The following C1QTNF7 variants were observed in gnomAD, a reference collection of about 807,000 sequenced individuals.
C1QTNF7 encodes complement C1q tumor necrosis factor-related protein 7.
In C1QTNF7, 15 loss-of-function variants were observed where a neutral mutation model predicts 19.6. The ratio of observed to expected loss-of-function variants is 0.76; its 90% CI spans 0.51 to 1.18. The LOEUF (loss-of-function observed/expected upper bound fraction) is 1.18. Ranked by LOEUF, C1QTNF7 falls within the 50% of genes most tolerant of loss-of-function variation. The pLI is 0.00. For missense variants in C1QTNF7, 324 were observed against 359.7 expected (o/e 0.90, Z 0.80); for synonymous variants, 142 against 137.5 (o/e 1.03, Z -0.23).
chr4:15,354,961 T>C (rs1278838936), intron 1 of C1QTNF7, among the ~76,000 whole-genome samples: 1 of 152,106 alleles, frequency 6.6e-6, no homozygotes, highest in Non-Finnish European at 1.5e-5. Flanking sequence ...GATTCTTGCA[T>C]TGGGAATATC....
chr4:15,390,116 A>G (rs1161031785), intron 1 of C1QTNF7, among the ~76,000 whole-genome samples: 1 of 152,176 alleles, frequency 6.6e-6, no homozygotes, highest in Non-Finnish European at 1.5e-5. Flanking sequence ...AGTAGGAAAT[A>G]TATATTAAGA....
At chr4:15,438,915 A>G (rs78982486) in intron 2 of C1QTNF7, among the ~76,000 whole-genome samples, 12,557 of 152,244 alleles carry the variant, frequency 0.082, 1,705 homozygotes, top group African/African-American at 0.28. Flanking sequence ...GCATGTATGT[A>G]TGCATAGATC....
At position 15,444,483 on chromosome 4, in the gene C1QTNF7, T is replaced by C. The variant is rs1450750455; in HGVS notation, c.*1684T>C. ...GTGCGGCGGCTGGCCAGAGGCACTCTTCACTTCCCAGACAGAGGGGCGGCC... is the reference window on the plus strand; with the variant it reads ...GTGCGGCGGCTGGCCAGAGGCACTCCTCACTTCCCAGACAGAGGGGCGGCC... On this transcript the variant is annotated 3_prime_UTR_variant, in exon 3 of 3. Coordinates refer to ENST00000444304, the MANE Select transcript of C1QTNF7 (RefSeq NM_031911.5). The C allele has an allele frequency of 6.6e-6, 1 of 151,828 alleles. No individual in the cohort carries two copies. The allele number at this position is 151,828 out of a possible 1,614,324, so 9.4% of individuals were successfully genotyped here. A position where few individuals can be genotyped will look rare whatever the true frequency, so the allele number is the denominator to read the frequency against.
At chr4:15,373,589 T>A (rs552504838) in intron 1 of C1QTNF7, among the ~76,000 whole-genome samples, 6 of 152,288 alleles carry the variant, frequency 3.9e-5, no homozygotes, top group African/African-American at 1.4e-4. Context: ...TTTTGGAACG[T>A]TTAAATGACT....
chr4:15,420,900 T>C (rs928737353), intron 1 of C1QTNF7, among the ~76,000 whole-genome samples: 7 of 144,234 alleles, frequency 4.9e-5, no homozygotes, highest in East Asian at 2.2e-4. Flanking sequence ...CACTGAGTCA[T>C]TGTTGGATTT....
At chr4:15,385,282 A>G (rs1346082922) in intron 1 of C1QTNF7, among the ~76,000 whole-genome samples, 1 of 152,182 alleles carries the variant, frequency 6.6e-6, no homozygotes, top group Non-Finnish European at 1.5e-5. Flanking sequence ...GACAAAGAAA[A>G]CACAAAGACG....
rs921681750 is a variant in C1QTNF7 at position 15,444,613 on chromosome 4, C to T, written c.*1814C>T. The T allele has an allele frequency of 6.6e-6, 1 of 152,060 alleles. No individual in the cohort carries two copies. The highest frequency in any genetic ancestry group is 1.5e-5 in the Non-Finnish European group (1 of 68,016). 9.4% of individuals were successfully genotyped at this position (152,060 alleles called of 1,614,324 possible). A position where few individuals can be genotyped will look rare whatever the true frequency, so the allele number is the denominator to read the frequency against. The stretch of plus-strand genomic sequence containing the variant: ...ATGGCATGCACACACACAAAAAATA[C>T]CTAAATTTTGGATGAGAAAATGATA... On this transcript the variant is annotated 3_prime_UTR_variant, in exon 3 of 3. Transcript: ENST00000444304.
At chr4:15,386,320 G>A (rs1296046606) in intron 1 of C1QTNF7, among the ~76,000 whole-genome samples, 1 of 152,156 alleles carries the variant, frequency 6.6e-6, no homozygotes, top group Non-Finnish European at 1.5e-5. Context: ...GAGGTCATGG[G>A]TCCCAACCAA....
chr4:15,393,370 G>A (rs1033437472), intron 1 of C1QTNF7, among the ~76,000 whole-genome samples: 3 of 152,164 alleles, frequency 2.0e-5, no homozygotes, highest in Non-Finnish European at 4.4e-5. Context: ...CCATTCTGCA[G>A]GACTCTTCCA....
In C1QTNF7 at chr4:15,363,814, A is replaced by G. The variant is rs375635646; in HGVS notation, c.13+23607A>G. Among the ~76,000 whole-genome samples the G allele has an allele frequency of 1.8e-4, 28 of 152,356 alleles. No homozygotes were observed. In the East Asian group the frequency reaches 2.9e-3, roughly 16 times the overall value. On this transcript the variant is annotated intron_variant, in intron 1 of 2. Transcript: ENST00000295297. The stretch of plus-strand genomic sequence containing the variant: ...AAGACAATATGAAGAAAGAAATGTC[A>G]CTATCTTTGCATCAGACATATAGAA...
intron 1 of C1QTNF7, among the ~76,000 whole-genome samples, chr4:15,359,476 C>T (rs1717261373): frequency 6.6e-6 from 1 of 152,060 alleles, no homozygotes; most frequent in Non-Finnish European, 1.5e-5. Flanking sequence ...ACAATTCTAC[C>T]TTATGTAGAA....
chr4:15,431,087 T>C (rs1712288317), intron 1 of C1QTNF7, among the ~76,000 whole-genome samples: 5 of 152,088 alleles, frequency 3.3e-5, no homozygotes, highest in African/African-American at 9.6e-5. Context: ...GATAGATAGA[T>C]AGATAGATAG....
intron 1 of C1QTNF7, among the ~76,000 whole-genome samples, chr4:15,379,809 C>T (rs2108889806): frequency 6.6e-6 from 1 of 152,256 alleles, no homozygotes; most frequent in Non-Finnish European, 1.5e-5. Context: ...TGGTCCTTCC[C>T]CAAGGTGAAA....
chr4:15,417,817 G>C (rs1037215128), intron 1 of C1QTNF7, among the ~76,000 whole-genome samples: 8 of 152,202 alleles, frequency 5.3e-5, no homozygotes, highest in African/African-American at 1.9e-4. Flanking sequence ...CTTCTGGTGA[G>C]AGCCTCGGGA....
intron 1 of C1QTNF7, among the ~76,000 whole-genome samples, chr4:15,341,024 G>A (rs1388893968): frequency 6.6e-6 from 1 of 152,190 alleles, no homozygotes; most frequent in African/African-American, 2.4e-5. Flanking sequence ...GAATGTCTCT[G>A]TTATCAGTGT....
In C1QTNF7 at chr4:15,442,589, CT is replaced by C; in HGVS notation, c.662del (p.Phe221SerfsTer60). Reference sequence around the variant, plus strand: ...ACAATGGGCAATACCGGATAAAGACCTTCGACGCCAACACAGGAAACCATGA... The same window carrying C: ...ACAATGGGCAATACCGGATAAAGACCTCGACGCCAACACAGGAAACCATGA... ...VHNGQYRIKT[F>X]DANTGNHDVA... On this transcript the variant is annotated frameshift_variant, in exon 3 of 3. Coordinates refer to ENST00000444304, the MANE Select transcript of C1QTNF7 (RefSeq NM_031911.5). LOFTEE classifies it high-confidence loss of function. The C allele has an allele frequency of 1.9e-6, 3 of 1,614,154 alleles. No homozygotes were observed. The highest frequency in any genetic ancestry group is 1.7e-6 in the Non-Finnish European group (2 of 1,180,030).
Position 15,442,588 on chromosome 4 carries a change from C to T in C1QTNF7, c.659C>T (p.Thr220Ile), listed in dbSNP as rs768380608. 1.9e-6 allele frequency: 3 copies of T among 1,614,146 alleles called. No individual in the cohort carries two copies. Among genetic ancestry groups the T allele is most frequent in the East Asian group, 2.2e-5 (1 of 44,892 alleles). The change falls in exon 3 of 3, where the codon ACC (threonine) becomes ATC (isoleucine). Residue 220 changes from threonine (T) to isoleucine (I), a missense_variant. Physicochemically the swap from Thr to Ile is moderately conservative, Grantham distance 89. Transcript: ENST00000444304. ...LVHNGQYRIK[T>I]FDANTGNHDV... ...CACAATGGGCAATACCGGATAAAGA[C>T]CTTCGACGCCAACACAGGAAACCAT...
intron 1 of C1QTNF7, chr4:15,358,669 C>T (rs1717231839): frequency 6.6e-6 from 1 of 152,100 alleles, no homozygotes; most frequent in Non-Finnish European, 1.5e-5. Flanking sequence ...TTTTATGTAA[C>T]TTGAAATTGT....
chr4:15,402,739 T>C (rs1719044089), intron 1 of C1QTNF7, among the ~76,000 whole-genome samples: 1 of 152,236 alleles, frequency 6.6e-6, no homozygotes, highest in Non-Finnish European at 1.5e-5. Flanking sequence ...ACCTTAGAAA[T>C]ATCTGAAGTT....
Sources: gnomAD v4.1 joint callset for allele counts (sites outside exome capture counted in the v4.1 genomes callset) on GRCh38, gnomAD v4.1.1 for gene constraint, MANE v1.5 for transcripts, NCBI Gene and HGNC (gene_info 2026-07-23, HGNC 2026-07-21) for gene names.